UTRN: variants seen among roughly 807,000 people sequenced by gnomAD.
UTRN encodes the protein dystrophin-related protein 1.
In UTRN, 283 loss-of-function variants were observed where a neutral mutation model predicts 463.9. That is an observed-to-expected ratio of 0.61 (90% CI 0.55 to 0.67). UTRN has a LOEUF of 0.67. Ranked by LOEUF, UTRN falls within the 30% of genes least tolerant of loss-of-function variation. The pLI, the probability that UTRN is intolerant of heterozygous loss-of-function variation, is 0.00. For missense variants in UTRN, 3,922 were observed against 4,084.3 expected, an observed-to-expected ratio of 0.96 and a Z score of 1.08; for synonymous variants, 1,442 against 1,431.5, an observed-to-expected ratio of 1.01 and a Z score of -0.17.
At chr6:144,474,831 G>A in intron 25 of UTRN, 72 bp downstream of exon 25, 10 of 1,525,172 alleles carry the variant, frequency 6.6e-6, no homozygotes, top group South Asian at 3.8e-5. Flanking sequence ...CTGACTAAAT[G>A]TATTATGACC....
At chr6:144,500,462 G>A (rs1794071639) in intron 34 of UTRN, among the ~76,000 whole-genome samples, 1 of 151,958 alleles carries the variant, frequency 6.6e-6, no homozygotes, top group Non-Finnish European at 1.5e-5. Context: ...GGGGTTATTT[G>A]TAAAACAGCT....
At chr6:144,552,105 T>C (rs987520374) in intron 48 of UTRN, among the ~76,000 whole-genome samples, 31 of 152,198 alleles carry the variant, frequency 2.0e-4, no homozygotes, top group African/African-American at 7.5e-4. Context: ...CCAATACAAA[T>C]TAACTACCTA....
At position 144,744,352 on chromosome 6, in the gene UTRN, G is replaced by GTGTGTA. The variant is rs1554366750; in HGVS notation, c.7940-3893_7940-3892insGTGTAT. 3.5e-4 allele frequency among the ~76,000 whole-genome samples: 47 copies of GTGTGTA among 135,722 alleles called. No individual in the cohort carries two copies. In the East Asian group the frequency reaches 5.1e-3, roughly 15 times the overall value. 89.0% of individuals were successfully genotyped at this position (135,722 alleles called of 152,430 possible). ...TGTGTGTGTGTGTGTGTGTGTGTGT[G>GTGTGTA]TATAAAATTTTTAAATATATAGATA... On this transcript the variant is annotated intron_variant, in intron 54 of 74. Coordinates refer to ENST00000367545, the MANE Select transcript of UTRN (RefSeq NM_007124.3).
chr6:144,848,627 A>G (rs1463107845), intron 74 of UTRN, among the ~76,000 whole-genome samples: 3 of 152,134 alleles, frequency 2.0e-5, no homozygotes, highest in African/African-American at 7.2e-5. Flanking sequence ...TGATACTGAA[A>G]TTAGAGGGGT....
At chr6:144,436,892 TTATA>T (rs1786608729) in intron 10 of UTRN, among the ~76,000 whole-genome samples, 1 of 145,156 alleles carries the variant, frequency 6.9e-6, no homozygotes. Context: ...ATAAATATTT[TTATA>T]TATAATCTAT....
intron 51 of UTRN, among the ~76,000 whole-genome samples, chr6:144,604,899 G>A (rs559412440): frequency 6.6e-6 from 1 of 152,088 alleles, no homozygotes; most frequent in South Asian, 2.1e-4. Context: ...TGGGTGACAA[G>A]AGCGAAACTC....
chr6:144,388,481 ATTAT>A (rs57479570), intron 2 of UTRN, among the ~76,000 whole-genome samples: 12,853 of 143,832 alleles, frequency 0.089, 1,239 homozygotes, highest in African/African-American at 0.25. Flanking sequence ...CCTGGCTAAT[ATTAT>A]TTATTTATTT....
intron 51 of UTRN, among the ~76,000 whole-genome samples, chr6:144,603,337 C>T (rs1453635232): frequency 6.6e-6 from 1 of 152,028 alleles, no homozygotes; most frequent in African/African-American, 2.4e-5. Flanking sequence ...TTATACATTG[C>T]GAGGTGGCTT....
chr6:144,566,378 T>C (rs1213641092), intron 50 of UTRN, among the ~76,000 whole-genome samples: 1 of 152,144 alleles, frequency 6.6e-6, no homozygotes, highest in African/African-American at 2.4e-5. Flanking sequence ...TTATTAAATG[T>C]AAGGAAAGGT....
intron 51 of UTRN, among the ~76,000 whole-genome samples, chr6:144,598,690 A>C (rs1290846863): frequency 2.0e-5 from 3 of 152,110 alleles, no homozygotes; most frequent in Non-Finnish European, 2.9e-5. Context: ...TGTCATGTTG[A>C]TATCTTGTTA....
At chr6:144,426,035 T>A (rs2114858280) in intron 6 of UTRN, among the ~76,000 whole-genome samples, 1 of 152,294 alleles carries the variant, frequency 6.6e-6, no homozygotes, top group Non-Finnish European at 1.5e-5. Context: ...CAAGTATTGC[T>A]TAAGATATAG....
intron 51 of UTRN, among the ~76,000 whole-genome samples, chr6:144,602,227 G>A (rs567760942): frequency 6.6e-6 from 1 of 152,040 alleles, no homozygotes; most frequent in African/African-American, 2.4e-5. Context: ...CGCCTCCCAG[G>A]TTCAAGCAAT....
chr6:144,824,572 T>TTATATATA (rs71028314), intron 66 of UTRN, among the ~76,000 whole-genome samples: 555 of 37,762 alleles, frequency 0.015, 12 homozygotes, highest in Non-Finnish European at 0.022. Context: ...AGCATTTTAT[T>TTATATATA]TATATATATA....
intron 52 of UTRN, among the ~76,000 whole-genome samples, chr6:144,692,412 A>C (rs1004909416): frequency 1.4e-4 from 21 of 152,210 alleles, no homozygotes; most frequent in Admixed American, 1.3e-4. Context: ...TATACCCAGT[A>C]ATGGGATTGC....
intron 61 of UTRN, among the ~76,000 whole-genome samples, chr6:144,788,040 A>C (rs140749382): frequency 6.6e-6 from 1 of 152,274 alleles, no homozygotes; most frequent in African/African-American, 2.4e-5. Context: ...TAGATTACTC[A>C]GTAATTCTTT....
At chr6:144,396,654 T>A (rs1181588935) in intron 2 of UTRN, among the ~76,000 whole-genome samples, 1 of 152,182 alleles carries the variant, frequency 6.6e-6, no homozygotes, top group Non-Finnish European at 1.5e-5. Context: ...AGGTGAGTTC[T>A]ATGGTAGGTG....
chr6:144,813,043 T>C (rs1778758756), intron 65 of UTRN, among the ~76,000 whole-genome samples: 1 of 152,132 alleles, frequency 6.6e-6, no homozygotes, highest in South Asian at 2.1e-4. Context: ...AAATGACAAT[T>C]TCAAGGACAG....
At position 144,423,603 on chromosome 6, in the gene UTRN, C is replaced by G; in HGVS notation, c.289C>G (p.Leu97Val). The G allele has an allele frequency of 1.9e-6, 3 of 1,614,220 alleles. No homozygotes were observed. Among genetic ancestry groups the G allele is most frequent in the Non-Finnish European group, 2.5e-6 (3 of 1,180,048 alleles). ...VHALNNVNRV[L>V]QVLHQNNVEL... is the part of the protein sequence containing the mutation. Reference sequence around the variant, plus strand: ...TGCCTTAAATAACGTCAACAGAGTGCTGCAGGTTTTACATCAGAACAATGT... The same window carrying G: ...TGCCTTAAATAACGTCAACAGAGTGGTGCAGGTTTTACATCAGAACAATGT... The change falls in exon 5 of 75, where the codon CTG (leucine) becomes GTG (valine). Residue 97 changes from leucine to valine, a missense_variant. Leu to Val is a conservative substitution (Grantham distance 32). Coordinates refer to ENST00000367545, the MANE Select transcript of UTRN (RefSeq NM_007124.3).
At chr6:144,456,686 TAATAATAATAAATA>T (rs1232162417) in intron 19 of UTRN, among the ~76,000 whole-genome samples, 1 of 147,216 alleles carries the variant, frequency 6.8e-6, no homozygotes, top group Non-Finnish European at 1.5e-5. Flanking sequence ...ATAATAATAA[TAATAATAATAAATA>T]AAATAGTGTG....
Sources: gnomAD v4.1 joint callset for allele counts (sites outside exome capture counted in the v4.1 genomes callset) on GRCh38, gnomAD v4.1.1 for gene constraint, MANE v1.5 for transcripts, NCBI Gene and HGNC (gene_info 2026-07-23, HGNC 2026-07-21) for gene names.